The following JAKMIP1 variants were observed in gnomAD, a reference collection of about 807,000 sequenced individuals.
JAKMIP1 encodes the protein janus kinase and microtubule-interacting protein 1.
A neutral mutation model predicts 113.0 loss-of-function variants in JAKMIP1; 33 were observed. That is an observed-to-expected ratio of 0.29 (90% confidence interval 0.22 to 0.39). The LOEUF (loss-of-function observed/expected upper bound fraction) is 0.39, where lower values mean the gene tolerates loss of function less well. Ranked by LOEUF, JAKMIP1 falls within the 10% of genes least tolerant of loss-of-function variation. The probability of loss-of-function intolerance (pLI) is 1.00; values close to 1 mark genes in which losing one functional copy is unlikely to be tolerated. For synonymous variants in JAKMIP1, 480 were observed against 459.9 expected (o/e 1.04, Z -0.56); for missense variants, 813 against 1,080.5 (o/e 0.75, Z 3.47).
chr4:6,057,574 A>G (rs1716655387), intron 11 of JAKMIP1, among the ~76,000 whole-genome samples: 1 of 152,178 alleles, frequency 6.6e-6, no homozygotes, highest in African/African-American at 2.4e-5. Context: ...ATGCTGATCC[A>G]TGTGTGGGCC....
At chr4:6,045,146 C>T (rs1714822060) in intron 16 of JAKMIP1, among the ~76,000 whole-genome samples, 1 of 152,264 alleles carries the variant, frequency 6.6e-6, no homozygotes, top group South Asian at 2.1e-4. Flanking sequence ...TCACGGCCAA[C>T]TATTAGAAAG....
rs13129240 is a variant in JAKMIP1, at chr4:6,192,025, C to T, written c.-148+8228G>A. On this transcript the variant is annotated intron_variant, in intron 1 of 20. Transcript: ENST00000409021. The surrounding 1 kb of genome is among the most constrained non-coding windows in gnomAD (Gnocchi z 5.0). ...TTGGCTCATTACAACCTCCGCCTCC[C>T]GGGTTTGAGCTATTCTCCTGCCTCA... Among the ~76,000 whole-genome samples the T allele has an allele frequency of 0.074, 11,222 of 151,844 alleles. 431 individuals carry two copies. The highest frequency in any genetic ancestry group is 0.088 in the African/African-American group (3,631 of 41,356).
chr4:6,042,143 C>A lies in JAKMIP1; in HGVS notation c.2097+16G>T. The A allele has an allele frequency of 6.2e-7, 1 of 1,609,490 alleles. No individual in the cohort carries two copies. The highest frequency in any genetic ancestry group is 1.1e-5 in the South Asian group (1 of 90,962). On this transcript the variant is annotated intron_variant, in intron 17 of 20. Transcript: ENST00000409021. This position sits in a 1 kb window ranked among gnomAD's most constrained non-coding sequence, Gnocchi z 5.2. The stretch of plus-strand genomic sequence containing the variant: ...TTGAACCCTCTCCCCCACCCCCAGG[C>A]AGTCAAATCTTTTACCTTCTCCTTC...
chr4:6,134,214 T>C (rs1411255521), intron 1 of JAKMIP1, among the ~76,000 whole-genome samples: 1 of 152,186 alleles, frequency 6.6e-6, no homozygotes, highest in Non-Finnish European at 1.5e-5. Flanking sequence ...CCTGCCGCCA[T>C]GTAAGACATG....
At chr4:6,133,949 A>G (rs1478502029) in intron 1 of JAKMIP1, among the ~76,000 whole-genome samples, 2 of 152,084 alleles carry the variant, frequency 1.3e-5, no homozygotes, top group Non-Finnish European at 2.9e-5. Context: ...TGAATCACCC[A>G]CTGGAGTGGG....
In JAKMIP1 at chr4:6,157,333, G is replaced by A. The variant is rs1325458943; in HGVS notation, c.-148+42920C>T. Among the ~76,000 whole-genome samples the A allele has an allele frequency of 6.6e-6, 1 of 152,160 alleles. No homozygotes were observed. Among genetic ancestry groups the A allele is most frequent in the Non-Finnish European group, 1.5e-5 (1 of 68,034 alleles). ...TTACTCCCTCTGCAAAAAGGCGCAC[G>A]GGATGGGAAGCTGGCGCACAACACA... On this transcript the variant is annotated intron_variant, in intron 1 of 20. Coordinates refer to ENST00000409021, the MANE Select transcript of JAKMIP1 (RefSeq NM_001099433.2). The surrounding 1 kb of genome is among the most constrained non-coding windows in gnomAD (Gnocchi z 4.7).
In JAKMIP1 at chr4:6,157,389, T is replaced by C. The variant is rs1475794173; in HGVS notation, c.-148+42864A>G. On this transcript the variant is annotated intron_variant, in intron 1 of 20. Coordinates refer to ENST00000409021, the MANE Select transcript of JAKMIP1 (RefSeq NM_001099433.2). The surrounding 1 kb of genome is among the most constrained non-coding windows in gnomAD (Gnocchi z 4.7). ...GTCCCAAGAACCAAATGAGATTAAA[T>C]TGAAAGCTCTCTGAAAAGCAGCAAT... 6.6e-6 allele frequency among the ~76,000 whole-genome samples: 1 copy of C among 152,196 alleles called. No homozygotes were observed. Among genetic ancestry groups the C allele is most frequent in the African/African-American group, 2.4e-5 (1 of 41,432 alleles).
chr4:6,155,281 T>A lies in JAKMIP1; in HGVS notation c.-147-42284A>T, dbSNP rs553855632. On this transcript the variant is annotated intron_variant, in intron 1 of 20. Coordinates refer to ENST00000409021, the MANE Select transcript of JAKMIP1 (RefSeq NM_001099433.2). The surrounding 1 kb of genome is among the most constrained non-coding windows in gnomAD (Gnocchi z 6.1). The stretch of plus-strand genomic sequence containing the variant: ...TCCCTCCTCTGCGCTCAACGCCTTT[T>A]AATACCAGCAACCACCACTCAACCA... Among the ~76,000 whole-genome samples the A allele has an allele frequency of 6.6e-6, 1 of 152,260 alleles. No homozygotes were observed. The highest frequency in any genetic ancestry group is 2.4e-5 in the African/African-American group (1 of 41,526).
intron 1 of JAKMIP1, among the ~76,000 whole-genome samples, chr4:6,122,694 C>T (rs1017367129): frequency 6.6e-6 from 1 of 152,174 alleles, no homozygotes. Context: ...ACTGTTGTTT[C>T]GTCAGCTGCA....
Position 6,183,841 on chromosome 4 carries a change from G to T in JAKMIP1, c.-148+16412C>A, listed in dbSNP as rs923191321. ...TCATCTCCAGTGAAATGCACTCTGA[G>T]AATGCAAGACAAGTCACTCCCAAAA... On this transcript the variant is annotated intron_variant, in intron 1 of 20. Coordinates refer to ENST00000409021, the MANE Select transcript of JAKMIP1 (RefSeq NM_001099433.2). The surrounding 1 kb of genome is among the most constrained non-coding windows in gnomAD (Gnocchi z 5.3). Among the ~76,000 whole-genome samples, 2 of 152,168 alleles carry T rather than the reference G, an allele frequency of 1.3e-5. No homozygotes were observed. The highest frequency in any genetic ancestry group is 4.8e-5 in the African/African-American group (2 of 41,434).
rs200806059 is a variant in JAKMIP1 at position 6,076,495 on chromosome 4, C to T, written c.1302+2444G>A. Among the ~76,000 whole-genome samples the T allele has an allele frequency of 2.0e-4, 31 of 152,156 alleles. No homozygotes were observed. The East Asian group carries it at 2.3e-3, about 11-fold the overall frequency. ...AGAATTCAATGAGATTGTTTAAATA[C>T]CCACTCATCTGAGAATCCAGGACCT... On this transcript the variant is annotated intron_variant, in intron 8 of 20. Coordinates refer to ENST00000409021, the MANE Select transcript of JAKMIP1 (RefSeq NM_001099433.2). This position sits in a 1 kb window ranked among gnomAD's most constrained non-coding sequence, Gnocchi z 4.8.
intron 16 of JAKMIP1, among the ~76,000 whole-genome samples, chr4:6,047,068 T>C (rs2108763375): frequency 6.6e-6 from 1 of 152,328 alleles, no homozygotes; most frequent in South Asian, 2.1e-4. Flanking sequence ...CACTGAAATA[T>C]GCAGCCTCCT....
rs1251979175 is a variant in JAKMIP1 at position 6,168,474 on chromosome 4, T to A, written c.-148+31779A>T. 4.6e-5 allele frequency among the ~76,000 whole-genome samples: 7 copies of A among 152,134 alleles called. No homozygotes were observed. Among genetic ancestry groups the A allele is most frequent in the Non-Finnish European group, 8.8e-5 (6 of 68,036 alleles). On this transcript the variant is annotated intron_variant, in intron 1 of 20. Transcript: ENST00000409021. This position sits in a 1 kb window ranked among gnomAD's most constrained non-coding sequence, Gnocchi z 4.6. ...AATAGTATTTGGCCATCAGAAGGAATGAAGTCTCAACACCTGCTACGACAT... is the reference window on the plus strand; with the variant it reads ...AATAGTATTTGGCCATCAGAAGGAAAGAAGTCTCAACACCTGCTACGACAT...
Position 6,081,786 on chromosome 4 carries a change from A to T in JAKMIP1, c.955-31T>A. On this transcript the variant is annotated intron_variant, in intron 5 of 20. Transcript: ENST00000409021. This position sits in a 1 kb window ranked among gnomAD's most constrained non-coding sequence, Gnocchi z 4.6. ...GTTGGAAACAGACACAGAGGCTCAG[A>T]CAACTTGACGACGGACGGCCGAGGT... The T allele has an allele frequency of 6.2e-7, 1 of 1,613,806 alleles. No homozygotes were observed.
chr4:6,050,020 G>A lies in JAKMIP1; in HGVS notation c.1909-148C>T. Reference sequence around the variant, plus strand: ...TTTTGCGCCCAGCCGTTCCTCTGGGGAGTGAGGGAGAGAAGGCATAACTGC... The same window carrying A: ...TTTTGCGCCCAGCCGTTCCTCTGGGAAGTGAGGGAGAGAAGGCATAACTGC... On this transcript the variant is annotated intron_variant, in intron 14 of 20. Coordinates refer to ENST00000409021, the MANE Select transcript of JAKMIP1 (RefSeq NM_001099433.2). The surrounding 1 kb of genome is among the most constrained non-coding windows in gnomAD (Gnocchi z 7.4). The A allele has an allele frequency of 1.6e-6, 1 of 630,370 alleles. No homozygotes were observed. The highest frequency in any genetic ancestry group is 1.9e-5 in the South Asian group (1 of 52,206). The allele number at this position is 630,370 out of a possible 1,614,324, so 39.0% of individuals were successfully genotyped here. A position where few individuals can be genotyped will look rare whatever the true frequency, so the allele number is the denominator to read the frequency against.
At chr4:6,060,375 A>G in intron 11 of JAKMIP1, 49 bp downstream of exon 11, 1 of 1,407,280 alleles carries the variant, frequency 7.1e-7, no homozygotes, top group Non-Finnish European at 1.0e-6. Context: ...GATACCACCA[A>G]GGGGACAGAA....
intron 1 of JAKMIP1, among the ~76,000 whole-genome samples, chr4:6,166,074 A>G (rs1489664384): frequency 6.6e-6 from 1 of 152,110 alleles, no homozygotes; most frequent in African/African-American, 2.4e-5. Context: ...TCTTAGAAGG[A>G]TCCTGGTCCC....
rs1722379348 is a variant in JAKMIP1, at chr4:6,157,368, C to A, written c.-148+42885G>T. ...GCTGGCGCACAACACAGGGTTGTCC[C>A]AAGAACCAAATGAGATTAAATTGAA... On this transcript the variant is annotated intron_variant, in intron 1 of 20. Transcript: ENST00000409021. This position sits in a 1 kb window ranked among gnomAD's most constrained non-coding sequence, Gnocchi z 4.7. Among the ~76,000 whole-genome samples, 2 of 152,116 alleles carry A rather than the reference C, an allele frequency of 1.3e-5. No homozygotes were observed. Among genetic ancestry groups the A allele is most frequent in the African/African-American group, 4.8e-5 (2 of 41,408 alleles).
intron 1 of JAKMIP1, among the ~76,000 whole-genome samples, chr4:6,190,681 C>T (rs1727159255): frequency 6.6e-6 from 1 of 152,190 alleles, no homozygotes. Context: ...ATAAGGATGA[C>T]AGTGTTAGCT....
Sources: allele counts gnomAD v4.1 joint callset (sites outside exome capture counted in the v4.1 genomes callset), GRCh38; gene constraint gnomAD v4.1.1; non-coding constraint Gnocchi (gnomAD v3.1); transcripts MANE v1.5; gene names NCBI Gene and HGNC (gene_info 2026-07-23, HGNC 2026-07-21).